Variants in LTBP1 observed in about 807,000 individuals in gnomAD.
LTBP1 encodes latent transforming growth factor beta binding protein 1.
In LTBP1, 129 loss-of-function variants were observed where a neutral mutation model predicts 207.6. That is an observed-to-expected ratio of 0.62 (90% confidence interval 0.54 to 0.72). The LOEUF is 0.72. Ranked by LOEUF, LTBP1 falls within the 30% of genes least tolerant of loss-of-function variation. LTBP1 has a pLI of 0.00. For synonymous variants in LTBP1, 963 were observed against 833.7 expected (o/e 1.16, Z -2.67); for missense variants, 2,281 against 2,217.2 (o/e 1.03, Z -0.58).
intron 5 of LTBP1, among the ~76,000 whole-genome samples, chr2:33,180,478 G>T (rs1468279121): frequency 1.4e-5 from 2 of 147,150 alleles, no homozygotes; most frequent in Admixed American, 6.8e-5. Flanking sequence ...TTTTGACAGG[G>T]TCTCACTCTG....
chr2:33,006,477 G>A (rs965065217), intron 2 of LTBP1, among the ~76,000 whole-genome samples: 2 of 147,080 alleles, frequency 1.4e-5, no homozygotes, highest in Non-Finnish European at 1.5e-5. Flanking sequence ...TCCGCCTCCC[G>A]GTTCAAGTGA....
chr2:33,297,140 C>A (rs1467585041), intron 20 of LTBP1, among the ~76,000 whole-genome samples: 1 of 152,160 alleles, frequency 6.6e-6, no homozygotes, highest in Non-Finnish European at 1.5e-5. Context: ...GAGGAAACAG[C>A]ATATGCCAAA....
Position 33,105,547 on chromosome 2 carries a change from G to A in LTBP1, c.864-5035G>A, listed in dbSNP as rs144644494. ...CACCTCCTGGGTTGAAGTGATTCTC[G>A]TGCCTCAAGCTCCCAAGTAGCTGGG... On this transcript the variant is annotated intron_variant, in intron 3 of 33. Coordinates refer to ENST00000404816, the MANE Select transcript of LTBP1 (RefSeq NM_206943.4). Among the ~76,000 whole-genome samples the A allele has an allele frequency of 3.6e-3, 541 of 151,672 alleles. 3 individuals carry two copies. Among genetic ancestry groups the A allele is most frequent in the African/African-American group, 0.012 (514 of 41,346 alleles).
At chr2:33,091,060 TATGC>T (rs558212259) in intron 3 of LTBP1, among the ~76,000 whole-genome samples, 1 of 152,364 alleles carries the variant, frequency 6.6e-6, no homozygotes, top group African/African-American at 2.4e-5. Flanking sequence ...CTAGGAATGC[TATGC>T]CTCTGGGTAG....
At position 33,252,684 on chromosome 2, in the gene LTBP1, C is replaced by T. The variant is rs1312160747; in HGVS notation, c.2007C>T (p.Pro669=). 5.0e-6 allele frequency: 8 copies of T among 1,610,848 alleles called. No individual in the cohort carries two copies. Among genetic ancestry groups the T allele is most frequent in the Non-Finnish European group, 6.8e-6 (8 of 1,177,662 alleles). Residue 669 remains proline, a synonymous_variant, in exon 11 of 34, where the codon CCC becomes CCT. Transcript: ENST00000404816. ...DPTFSSCVPD[P]PVISEEKGPC... ...TTTATCTCTCTGCTTCAGCTGATCC[C>T]CCTGTGATCTCGGAAGAGAAAGGGC... is the stretch of plus-strand genomic sequence containing the variant.
At chr2:33,194,315 A>G (rs1176840195) in intron 7 of LTBP1, among the ~76,000 whole-genome samples, 3 of 152,154 alleles carry the variant, frequency 2.0e-5, no homozygotes, top group Middle Eastern at 3.2e-3. Context: ...AAAGCTAAAA[A>G]TGATTAACCT....
chr2:33,327,929 A>G (rs566813111), intron 24 of LTBP1, among the ~76,000 whole-genome samples: 1 of 152,058 alleles, frequency 6.6e-6, no homozygotes, highest in South Asian at 2.1e-4. Context: ...CGAGGTCAGC[A>G]GTTCGAGACC....
At chr2:33,295,065 TA>T (rs2093848690) in intron 20 of LTBP1, among the ~76,000 whole-genome samples, 1 of 152,010 alleles carries the variant, frequency 6.6e-6, no homozygotes, top group Non-Finnish European at 1.5e-5. Context: ...TGAAAAGGCT[TA>T]ATTTTTTTAT....
intron 22 of LTBP1, among the ~76,000 whole-genome samples, chr2:33,304,050 G>A (rs1386904535): frequency 1.3e-5 from 2 of 152,156 alleles, no homozygotes; most frequent in East Asian, 1.9e-4. Context: ...GAAGTCTAAG[G>A]TTTTTATTCC....
intron 6 of LTBP1, 112 bp from the exon 7 acceptor site, chr2:33,188,459 ATGCAGC>A: frequency 1.5e-5 from 9 of 592,022 alleles, no homozygotes; most frequent in East Asian, 3.1e-5. Flanking sequence ...TTTGATGGCT[ATGCAGC>A]AAAATGCTAC....
intron 4 of LTBP1, among the ~76,000 whole-genome samples, chr2:33,113,693 G>A (rs767223054): frequency 1.4e-4 from 21 of 152,148 alleles, no homozygotes; most frequent in African/African-American, 4.3e-4. Flanking sequence ...CTGGTCATTG[G>A]TAAAGGATAT....
chr2:33,360,520 C>A, intron 26 of LTBP1, 77 bp from the exon 27 acceptor site: 1 of 886,170 alleles, frequency 1.1e-6, no homozygotes. Context: ...ACTCTTTCCC[C>A]CATTGCATTC....
At chr2:32,953,504 G>C (rs546723784) in intron 2 of LTBP1, among the ~76,000 whole-genome samples, 3 of 152,174 alleles carry the variant, frequency 2.0e-5, no homozygotes, top group African/African-American at 7.2e-5. Flanking sequence ...AGACAACCTC[G>C]GTGAAGAGAG....
At chr2:33,128,350 G>A (rs2081567894) in intron 4 of LTBP1, among the ~76,000 whole-genome samples, 1 of 152,244 alleles carries the variant, frequency 6.6e-6, no homozygotes, top group African/African-American at 2.4e-5. Flanking sequence ...AAGAGCCTAT[G>A]CAAATTAGGC....
At position 32,987,243 on chromosome 2, in the gene LTBP1, A is replaced by G. The variant is rs374396800; in HGVS notation, c.566-33666A>G. 4.0e-4 allele frequency among the ~76,000 whole-genome samples: 61 copies of G among 152,330 alleles called. No homozygotes were observed. In the East Asian group the frequency reaches 4.2e-3, roughly 11 times the overall value. ...TGCAGAAGATGTGGTTTCTGACAAC[A>G]GATAGTTGAATGAGTATAGAAAAAG... On this transcript the variant is annotated intron_variant, in intron 2 of 33. Transcript: ENST00000404816.
chr2:33,297,739 A>T (rs1274083078), intron 20 of LTBP1, among the ~76,000 whole-genome samples: 1 of 151,746 alleles, frequency 6.6e-6, no homozygotes, highest in Non-Finnish European at 1.5e-5. Context: ...TTTTCAAAAC[A>T]AAACAAAACA....
At chr2:32,984,525 C>G (rs1471461408) in intron 2 of LTBP1, among the ~76,000 whole-genome samples, 10 of 152,212 alleles carry the variant, frequency 6.6e-5, no homozygotes, top group Non-Finnish European at 5.9e-5. Flanking sequence ...AGAACTGAAA[C>G]TCAGACTCCC....
At chr2:33,113,450 C>T (rs974832973) in intron 4 of LTBP1, among the ~76,000 whole-genome samples, 7 of 152,160 alleles carry the variant, frequency 4.6e-5, no homozygotes, top group Admixed American at 6.5e-5. Flanking sequence ...ATGTGTCAAA[C>T]GCAGCACTCT....
chr2:33,326,920 A>G (rs757571228), intron 24 of LTBP1, among the ~76,000 whole-genome samples: 1 of 152,166 alleles, frequency 6.6e-6, no homozygotes, highest in African/African-American at 2.4e-5. Context: ...AAGTGCTAGG[A>G]TTACAGACAT....
Sources: allele counts gnomAD v4.1 joint callset (sites outside exome capture counted in the v4.1 genomes callset), GRCh38; gene constraint gnomAD v4.1.1; transcripts MANE v1.5; gene names NCBI Gene and HGNC (gene_info 2026-07-23, HGNC 2026-07-21).